The following ARHGEF19 variants were observed in gnomAD, a reference collection of about 807,000 sequenced individuals.
ARHGEF19 encodes Rho guanine nucleotide exchange factor (GEF) 19.
ARHGEF19 carries 92 observed loss-of-function variants against 87.6 expected under a neutral mutation model. The ratio of observed to expected loss-of-function variants is 1.05; its 90% CI spans 0.89 to 1.25. ARHGEF19 has a LOEUF of 1.25. Among genes scored for constraint, ARHGEF19 ranks in the 50% most tolerant of loss-of-function variants. The probability of loss-of-function intolerance (pLI) is 0.00; values close to 1 mark genes in which losing one functional copy is unlikely to be tolerated. For missense variants in ARHGEF19, 1,054 were observed against 1,051.8 expected, an observed-to-expected ratio of 1.00 and a Z score of -0.03; for synonymous variants, 438 against 446.2, an observed-to-expected ratio of 0.98 and a Z score of 0.23.
intron 1 of ARHGEF19, among the ~76,000 whole-genome samples, chr1:16,211,937 C>T (rs1012529478): frequency 1.3e-5 from 2 of 152,198 alleles, no homozygotes; most frequent in Non-Finnish European, 2.9e-5. Flanking sequence ...CTTTGAGGCC[C>T]AGTGTTGACA....
Position 16,209,003 on chromosome 1 carries a change from C to T in ARHGEF19, c.52G>A (p.Gly18Ser). Residue 18 changes from glycine (G) to serine (S), a missense_variant, in exon 2 of 16, where the codon GGC becomes AGC. By Grantham distance (56) the Gly-to-Ser change is moderately conservative (BLOSUM62 0). Transcript: ENST00000270747. ...ACTGCTACAGGGTGGTGGGCAGTGCCAGGTGGCCCAGTCAGGTGGGGCTGG... is the reference window on the plus strand; with the variant it reads ...ACTGCTACAGGGTGGTGGGCAGTGCTAGGTGGCCCAGTCAGGTGGGGCTGG... ...TLQPHLTGPPGTAHHPVAVCQ... is the reference protein window; with the variant it reads ...TLQPHLTGPPSTAHHPVAVCQ... 1 of 1,508,584 alleles carries T rather than the reference C, an allele frequency of 6.6e-7. No homozygotes were observed. The highest frequency in any genetic ancestry group is 8.9e-7 in the Non-Finnish European group (1 of 1,129,566). 93.4% of individuals were successfully genotyped at this position (1,508,584 alleles called of 1,614,324 possible).
intron 13 of ARHGEF19, 110 bp from the exon 14 acceptor site, chr1:16,201,971 C>T: frequency 3.4e-6 from 3 of 880,546 alleles, no homozygotes; most frequent in Non-Finnish European, 4.9e-6. Context: ...GCCTAGGACC[C>T]AGGCCTACCC....
In ARHGEF19 at chr1:16,206,949, T is replaced by G. The variant is rs757965676; in HGVS notation, c.1136A>C (p.Glu379Ala). Reference sequence around the variant, plus strand: ...CGCCGGGTCCCCGCGCGCGCCCACCTCCTGCAGCTTGCAGTCCCGCAGGCT... The same window carrying G: ...CGCCGGGTCCCCGCGCGCGCCCACCGCCTGCAGCTTGCAGTCCCGCAGGCT... ...TLSLRDCKLQ[E>A]AKFELITSEA... The change falls in exon 6 of 16, where the codon GAG becomes GCG. Residue 379 changes from glutamate (E) to alanine (A), a missense_variant and splice_region_variant. By Grantham distance (107) the Glu-to-Ala change is moderately radical. Transcript: ENST00000270747. The surrounding 1 kb of genome is among the most constrained non-coding windows in gnomAD (Gnocchi z 4.6). The G allele has an allele frequency of 8.8e-6, 11 of 1,256,420 alleles. No homozygotes were observed. The highest frequency in any genetic ancestry group is 1.1e-5 in the Non-Finnish European group (11 of 985,472). 77.8% of individuals were successfully genotyped at this position (1,256,420 alleles called of 1,614,324 possible).
chr1:16,205,707 G>A lies in ARHGEF19; in HGVS notation c.1452-40C>T. On this transcript the variant is annotated intron_variant, in intron 8 of 15. Transcript: ENST00000270747. The surrounding 1 kb of genome is among the most constrained non-coding windows in gnomAD (Gnocchi z 5.8). Reference sequence around the variant, plus strand: ...GGACTCTGGAATCACAGGTAGGCCTGAATTCCTGGGATCCACAACCCTGGC... The same window carrying A: ...GGACTCTGGAATCACAGGTAGGCCTAAATTCCTGGGATCCACAACCCTGGC... The A allele has an allele frequency of 6.4e-7, 1 of 1,567,592 alleles. No individual in the cohort carries two copies. Among genetic ancestry groups the A allele is most frequent in the South Asian group, 1.2e-5 (1 of 86,100 alleles).
At position 16,207,705 on chromosome 1, in the gene ARHGEF19, T is replaced by TCAC. The variant is rs1349243684; in HGVS notation, c.764_766dup (p.Gly255dup). 1 of 1,613,838 alleles carries TCAC rather than the reference T, an allele frequency of 6.2e-7. No individual in the cohort carries two copies. Among genetic ancestry groups the TCAC allele is most frequent in the Non-Finnish European group, 8.5e-7 (1 of 1,179,958 alleles). On this transcript the variant is annotated inframe_insertion, in exon 4 of 16. Coordinates refer to ENST00000270747, the MANE Select transcript of ARHGEF19 (RefSeq NM_153213.5). The surrounding 1 kb of genome is among the most constrained non-coding windows in gnomAD (Gnocchi z 4.0). Reference sequence around the variant, plus strand: ...CTCGGACCAATCGCCCTCTCGTGAGTCACCAGGGGCTGGCCGCGACACCCG... The same window carrying TCAC: ...CTCGGACCAATCGCCCTCTCGTGAGTCACCACCAGGGGCTGGCCGCGACACCCG...
Position 16,207,316 on chromosome 1 carries a change from C to T in ARHGEF19, c.875-106G>A. ...GCGTCACTTAACCTTTGCCGCGGTT[C>T]GGATATCTGGACACAGTGAATTCAT... On this transcript the variant is annotated intron_variant, in intron 5 of 15. Coordinates refer to ENST00000270747, the MANE Select transcript of ARHGEF19 (RefSeq NM_153213.5). The surrounding 1 kb of genome is among the most constrained non-coding windows in gnomAD (Gnocchi z 4.0). 2 of 1,420,128 alleles carry T rather than the reference C, an allele frequency of 1.4e-6. No homozygotes were observed. The highest frequency in any genetic ancestry group is 1.5e-5 in the South Asian group (1 of 68,386). 88.0% of individuals were successfully genotyped at this position (1,420,128 alleles called of 1,614,324 possible).
intron 14 of ARHGEF19, among the ~76,000 whole-genome samples, chr1:16,200,392 G>A (rs1393946896): frequency 2.0e-5 from 3 of 152,274 alleles, no homozygotes; most frequent in Non-Finnish European, 2.9e-5. Flanking sequence ...CAGTGGGCAT[G>A]AGTGCCCTTT....
chr1:16,198,771 A>G lies in ARHGEF19; in HGVS notation c.2252-27T>C. On this transcript the variant is annotated intron_variant, in intron 15 of 15. Coordinates refer to ENST00000270747, the MANE Select transcript of ARHGEF19 (RefSeq NM_153213.5). This position sits in a 1 kb window ranked among gnomAD's most constrained non-coding sequence, Gnocchi z 4.1. ...TAGGGACACATAGGCCAAGAACAAC[A>G]GCATCAAAGGGGTACCAGGGCCAGG... is the stretch of plus-strand genomic sequence containing the variant. The G allele has an allele frequency of 1.3e-6, 2 of 1,575,466 alleles. No homozygotes were observed. The highest frequency in any genetic ancestry group is 1.7e-6 in the Non-Finnish European group (2 of 1,157,928).
At chr1:16,201,948 A>T in intron 13 of ARHGEF19, 87 bp from the exon 14 acceptor site, 1 of 1,401,780 alleles carries the variant, frequency 7.1e-7, no homozygotes. Context: ...GGGGAGCCAG[A>T]CATGATGTCC....
At position 16,198,434 on chromosome 1, in the gene ARHGEF19, C is replaced by A; in HGVS notation, c.*153G>T. 1 of 929,508 alleles carries A rather than the reference C, an allele frequency of 1.1e-6. No individual in the cohort carries two copies. The highest frequency in any genetic ancestry group is 1.5e-6 in the Non-Finnish European group (1 of 652,176). 57.6% of individuals were successfully genotyped at this position (929,508 alleles called of 1,614,324 possible). On this transcript the variant is annotated 3_prime_UTR_variant, in exon 16 of 16. Transcript: ENST00000270747. The surrounding 1 kb of genome is among the most constrained non-coding windows in gnomAD (Gnocchi z 4.1). ...AGGACGGAGAGACCCTCTGGAGGCG[C>A]CCCCATTCCTGTGTCCAGCCTGTGC... is the stretch of plus-strand genomic sequence containing the variant.
In ARHGEF19 at chr1:16,208,927, G is replaced by A. The variant is rs754740315; in HGVS notation, c.128C>T (p.Pro43Leu). 34 of 1,584,836 alleles carry A rather than the reference G, an allele frequency of 2.1e-5. No individual in the cohort carries two copies. The highest frequency in any genetic ancestry group is 6.8e-5 in the South Asian group (6 of 88,380). ...GAAAAGGTCCAGACACACTGGGCTC[G>A]GGGGCTTCAGGGCGGGCAGCTCTGC... ...SFAELPALKPPSPVCLDLFPV... is the reference protein window; with the variant it reads ...SFAELPALKPLSPVCLDLFPV... Residue 43 changes from proline to leucine, a missense_variant, in exon 2 of 16, where the codon CCG becomes CTG. Pro to Leu is a moderately conservative substitution (Grantham distance 98). Transcript: ENST00000270747.
chr1:16,201,865 G>C lies in ARHGEF19; in HGVS notation c.2067-4C>G, dbSNP rs758908164. On this transcript the variant is annotated splice_region_variant and splice_polypyrimidine_tract_variant and intron_variant, in intron 13 of 15. Coordinates refer to ENST00000270747, the MANE Select transcript of ARHGEF19 (RefSeq NM_153213.5). ...GATCCATCGCTGCTTCTCACTTCTAGGGAAGGGGGAGGCTAAGTTGTCACA... is the reference window on the plus strand; with the variant it reads ...GATCCATCGCTGCTTCTCACTTCTACGGAAGGGGGAGGCTAAGTTGTCACA... The C allele has an allele frequency of 7.4e-6, 12 of 1,613,474 alleles. No individual in the cohort carries two copies. Among genetic ancestry groups the C allele is most frequent in the Non-Finnish European group, 1.0e-5 (12 of 1,179,722 alleles).
rs767643769 is a variant in ARHGEF19 at position 16,205,185 on chromosome 1, G to T, written c.1657-9C>A. The T allele has an allele frequency of 6.3e-7, 1 of 1,593,976 alleles. No individual in the cohort carries two copies. The highest frequency in any genetic ancestry group is 8.5e-7 in the Non-Finnish European group (1 of 1,170,178). ...TTGCACTCCTGCACCAGCTGGGGGA[G>T]CCGTGGGGAGGTCACCTGCAGCCCC... On this transcript the variant is annotated splice_polypyrimidine_tract_variant and intron_variant, in intron 10 of 15. Transcript: ENST00000270747. This position sits in a 1 kb window ranked among gnomAD's most constrained non-coding sequence, Gnocchi z 5.8.
chr1:16,205,589 G>A lies in ARHGEF19; in HGVS notation c.1530C>T (p.Ser510=), dbSNP rs1160295921. 1 of 1,614,026 alleles carries A rather than the reference G, an allele frequency of 6.2e-7. No homozygotes were observed. Among genetic ancestry groups the A allele is most frequent in the Non-Finnish European group, 8.5e-7 (1 of 1,179,962 alleles). The part of the protein sequence containing the change: ...SPVCQRLPLT[S]FLILPFQRIT... ...TCCTCTGGAAGGGCAGGATAAGGAA[G>A]GAGGTAAGGGGCAGACGCTGGCACA... The change falls in exon 9 of 16, where the codon TCC becomes TCT. Residue 510 remains serine (S), a synonymous_variant. Transcript: ENST00000270747. The surrounding 1 kb of genome is among the most constrained non-coding windows in gnomAD (Gnocchi z 5.8).
chr1:16,204,308 C>T (rs970917404), intron 12 of ARHGEF19, among the ~76,000 whole-genome samples: 1 of 152,226 alleles, frequency 6.6e-6, no homozygotes, highest in Non-Finnish European at 1.5e-5. Context: ...ATCCTCCTGG[C>T]TCCCCCACCT....
In ARHGEF19 at chr1:16,208,689, T is replaced by C; in HGVS notation, c.366A>G (p.Thr122=). The C allele has an allele frequency of 6.2e-7, 1 of 1,608,044 alleles. No individual in the cohort carries two copies. The highest frequency in any genetic ancestry group is 8.5e-7 in the Non-Finnish European group (1 of 1,178,212). Residue 122 remains threonine, a synonymous_variant, in exon 2 of 16, where the codon ACA becomes ACG. Transcript: ENST00000270747. Reference sequence around the variant, plus strand: ...CGTGGCTGGCCCGGCGCTGTGGCTGTGTGTGTCGGGGACTCCAGGGTCCCT... The same window carrying C: ...CGTGGCTGGCCCGGCGCTGTGGCTGCGTGTGTCGGGGACTCCAGGGTCCCT... The part of the protein sequence containing the change: ...ALEGPWSPRH[T]QPQRRASHGS...
chr1:16,202,640 A>T (rs1355009910), intron 12 of ARHGEF19, 66 bp from the exon 13 acceptor site: 1 of 1,568,422 alleles, frequency 6.4e-7, no homozygotes, highest in Admixed American at 1.8e-5. Context: ...CACCCTCGGG[A>T]TCAGGTGGGT....
At chr1:16,204,218 CTCT>C (rs1286785541) in intron 12 of ARHGEF19, among the ~76,000 whole-genome samples, 2 of 152,200 alleles carry the variant, frequency 1.3e-5, no homozygotes, top group Admixed American at 6.5e-5. Context: ...TTCTACCTCA[CTCT>C]TCCTAACAAT....
Position 16,205,304 on chromosome 1 carries a change from C to T in ARHGEF19, c.1656+47G>A, listed in dbSNP as rs1025505076. 5 of 1,612,332 alleles carry T rather than the reference C, an allele frequency of 3.1e-6. No homozygotes were observed. Among genetic ancestry groups the T allele is most frequent in the Admixed American group, 3.3e-5 (2 of 59,920 alleles). On this transcript the variant is annotated intron_variant, in intron 10 of 15. Coordinates refer to ENST00000270747, the MANE Select transcript of ARHGEF19 (RefSeq NM_153213.5). This position sits in a 1 kb window ranked among gnomAD's most constrained non-coding sequence, Gnocchi z 5.8. ...CTGTTTTAGAGACGTGCTGGGGGTCCAGGGGGGGCCTCAGGAGCCAAGCAG... is the reference window on the plus strand; with the variant it reads ...CTGTTTTAGAGACGTGCTGGGGGTCTAGGGGGGGCCTCAGGAGCCAAGCAG...
Sources: gnomAD v4.1 joint callset for allele counts (sites outside exome capture counted in the v4.1 genomes callset) on GRCh38, gnomAD v4.1.1 for gene constraint, Gnocchi (gnomAD v3.1) non-coding constraint, MANE v1.5 for transcripts, NCBI Gene and HGNC (gene_info 2026-07-23, HGNC 2026-07-21) for gene names.